MTA3: variants seen among roughly 807,000 people sequenced by gnomAD.
MTA3 encodes the protein metastasis associated 1 family member 3, also known as metastasis-associated protein MTA3.
A neutral mutation model predicts 83.5 loss-of-function variants in MTA3; 34 were observed. The observed-to-expected ratio is 0.41, with a 90% CI of 0.31 to 0.54. The LOEUF is 0.54. Ranked by LOEUF, MTA3 falls within the 20% of genes least tolerant of loss-of-function variation. The probability of loss-of-function intolerance (pLI) is 0.33; values close to 1 mark genes in which losing one functional copy is unlikely to be tolerated. For synonymous variants in MTA3, 303 were observed against 252.7 expected (o/e 1.20, Z -1.89); for missense variants, 761 against 726.4 (o/e 1.05, Z -0.55).
chr2:42,724,039 A>G (rs986087730), intron 16 of MTA3, among the ~76,000 whole-genome samples: 39 of 152,258 alleles, frequency 2.6e-4, no homozygotes, highest in African/African-American at 8.9e-4. Flanking sequence ...TCTTACAGAA[A>G]CACTTCCTTT....
intron 2 of MTA3, among the ~76,000 whole-genome samples, chr2:42,544,914 G>A (rs1210710812): frequency 2.0e-5 from 3 of 152,040 alleles, no homozygotes; most frequent in African/African-American, 7.2e-5. Flanking sequence ...ACCCTGTAAG[G>A]ACAACTTCAC....
At chr2:42,538,887 G>A (rs1558422428) in intron 2 of MTA3, among the ~76,000 whole-genome samples, 1 of 148,086 alleles carries the variant, frequency 6.8e-6, no homozygotes, top group African/African-American at 2.5e-5. Flanking sequence ...CCATTCTCCT[G>A]CCTCAGCCTC....
chr2:42,715,406 CTTTTTTTT>C (rs35673744), intron 14 of MTA3, among the ~76,000 whole-genome samples: 3 of 104,170 alleles, frequency 2.9e-5, no homozygotes, highest in Admixed American at 1.1e-4. Flanking sequence ...CCACCAACTA[CTTTTTTTT>C]TTTTTTTTTT....
At chr2:42,654,068 C>T (rs1688945799) in intron 6 of MTA3, among the ~76,000 whole-genome samples, 1 of 152,162 alleles carries the variant, frequency 6.6e-6, no homozygotes, top group Non-Finnish European at 1.5e-5. Flanking sequence ...GAATTGTAAA[C>T]AAAACAAAGA....
At chr2:42,505,756 G>A (rs1674600477) in intron 2 of MTA3, among the ~76,000 whole-genome samples, 2 of 148,756 alleles carry the variant, frequency 1.3e-5, no homozygotes, top group South Asian at 4.3e-4. Context: ...AACGAGATGG[G>A]CCACAAATTG....
chr2:42,699,325 C>T (rs562941440), intron 11 of MTA3, among the ~76,000 whole-genome samples: 48 of 152,226 alleles, frequency 3.2e-4, no homozygotes, highest in African/African-American at 7.2e-5. Flanking sequence ...CCTCAGCCCC[C>T]CAGGTAGCTG....
At chr2:42,719,171 C>A (rs1029939322) in intron 15 of MTA3, 97 bp downstream of exon 15, 13 of 886,668 alleles carry the variant, frequency 1.5e-5, no homozygotes, top group African/African-American at 1.7e-5. Flanking sequence ...CTAATTCAGG[C>A]CCTTCAAATA....
chr2:42,586,624 C>T (rs1179819381), intron 3 of MTA3, among the ~76,000 whole-genome samples: 2 of 147,686 alleles, frequency 1.4e-5, no homozygotes, highest in Non-Finnish European at 1.5e-5. Flanking sequence ...ACATCGTTGG[C>T]TGGGCACTGT....
chr2:42,684,696 G>A (rs963627097), intron 9 of MTA3, among the ~76,000 whole-genome samples: 18 of 152,306 alleles, frequency 1.2e-4, no homozygotes, highest in African/African-American at 4.1e-4. Context: ...ATCTGATAAA[G>A]GAGTAGGAGT....
At position 42,644,357 on chromosome 2, in the gene MTA3, G is replaced by A. The variant is rs1687968611; in HGVS notation, c.499+113G>A. The stretch of plus-strand genomic sequence containing the variant: ...TCAGGGCAAAGTCTAAAAGTTATAA[G>A]CACTTGCCATTTTACTGTTCTTTGT... On this transcript the variant is annotated intron_variant, in intron 6 of 16. Coordinates refer to ENST00000405094, the MANE Select transcript of MTA3 (RefSeq NM_001330442.2). The A allele has an allele frequency of 1.3e-5, 8 of 601,098 alleles. No individual in the cohort carries two copies. The East Asian group carries it at 2.1e-4, about 16-fold the overall frequency. The allele number at this position is 601,098 out of a possible 1,614,324, so 37.2% of individuals were successfully genotyped here. A position where few individuals can be genotyped will look rare whatever the true frequency, so the allele number is the denominator to read the frequency against.
In MTA3 at chr2:42,554,602, G is replaced by C. The variant is rs149187425; in HGVS notation, c.-140-15835G>C. Among the ~76,000 whole-genome samples, 100 of 152,194 alleles carry C rather than the reference G, an allele frequency of 6.6e-4. 4 individuals are homozygous for C. The East Asian group carries it at 0.014, about 21-fold the overall frequency. ...AGATGCAAGTGAGGGACCCCACAGG[G>C]AGGGAAAAAAAACAGCAGGGAAAGC... On this transcript the variant is annotated intron_variant, in intron 2 of 17. Transcript: ENST00000405592.
intron 6 of MTA3, among the ~76,000 whole-genome samples, chr2:42,650,564 T>C (rs1688625008): frequency 1.3e-5 from 2 of 152,114 alleles, no homozygotes; most frequent in Middle Eastern, 6.8e-3. Context: ...CTCAGCCTCC[T>C]GAGTAGCTGG....
chr2:42,640,125 A>G (rs1464100449), intron 4 of MTA3, 48 bp from the exon 5 acceptor site: 1 of 1,325,294 alleles, frequency 7.5e-7, no homozygotes, highest in South Asian at 1.3e-5. Flanking sequence ...ATCACTGAGA[A>G]GGTGAGGTGG....
intron 2 of MTA3, among the ~76,000 whole-genome samples, chr2:42,526,340 C>G (rs1220434802): frequency 1.3e-5 from 2 of 152,196 alleles, no homozygotes; most frequent in Non-Finnish European, 2.9e-5. Context: ...ACTGGGATTA[C>G]AGGCGCATGC....
chr2:42,582,136 C>CA (rs1453965387), intron 3 of MTA3, among the ~76,000 whole-genome samples: 1 of 151,928 alleles, frequency 6.6e-6, no homozygotes, highest in Non-Finnish European at 1.5e-5. Flanking sequence ...TGGCTCACTG[C>CA]AAGCTCCGCC....
At chr2:42,595,786 T>A (rs1462398266) in intron 3 of MTA3, among the ~76,000 whole-genome samples, 1 of 152,202 alleles carries the variant, frequency 6.6e-6, no homozygotes. Context: ...TAGTAACTTA[T>A]GACTTAGTAA....
At chr2:42,741,284 T>C (rs1474586373) in intron 16 of MTA3, among the ~76,000 whole-genome samples, 3 of 152,262 alleles carry the variant, frequency 2.0e-5, no homozygotes, top group Admixed American at 2.0e-4. Flanking sequence ...TTTGATCTTG[T>C]ATTCAGGCCA....
exon 1 of MTA3, chr2:42,494,792 T>TA (rs1674053813): frequency 6.6e-6 from 1 of 152,444 alleles, no homozygotes; most frequent in Admixed American, 6.5e-5. Context: ...CTTTTCAAAA[T>TA]ATCTTGATTT....
At chr2:42,516,326 A>G (rs1156432268) in intron 2 of MTA3, among the ~76,000 whole-genome samples, 1 of 152,218 alleles carries the variant, frequency 6.6e-6, no homozygotes, top group Non-Finnish European at 1.5e-5. Flanking sequence ...GAGATAAATT[A>G]TAAAAAATAC....
Sources: gnomAD v4.1 joint callset for allele counts (sites outside exome capture counted in the v4.1 genomes callset) on GRCh38, gnomAD v4.1.1 for gene constraint, MANE v1.5 for transcripts, NCBI Gene and HGNC (gene_info 2026-07-23, HGNC 2026-07-21) for gene names.